The following OR6N1 variants were observed in gnomAD, a reference collection of about 807,000 sequenced individuals.
OR6N1 encodes the protein olfactory receptor 6N1.
For missense variants in OR6N1, 394 were observed against 371.7 expected (o/e 1.06, Z -0.49); for synonymous variants, 170 against 150.7 (o/e 1.13, Z -0.94).
chr1:158,829,428 G>A, the OR6N1 span, among the ~76,000 whole-genome samples: 1 of 152,112 alleles, frequency 6.6e-6, no homozygotes, highest in African/African-American at 2.4e-5. Flanking sequence ...CTCTAGGTCA[G>A]GGGCAAAATG....
the OR6N1 span, among the ~76,000 whole-genome samples, chr1:158,812,070 A>C: frequency 5.9e-5 from 9 of 152,204 alleles, no homozygotes; most frequent in Non-Finnish European, 1.0e-4. Flanking sequence ...AAATTAGTTT[A>C]TCTTTCATAG....
chr1:158,816,119 C>T, the OR6N1 span, among the ~76,000 whole-genome samples: 3 of 149,312 alleles, frequency 2.0e-5, no homozygotes, highest in East Asian at 4.0e-4. Context: ...GATGGCACCA[C>T]TGCACTCCAG....
At chr1:158,778,737 G>A in the OR6N1 span, among the ~76,000 whole-genome samples, 1 of 152,086 alleles carries the variant, frequency 6.6e-6, no homozygotes, top group Non-Finnish European at 1.5e-5. Context: ...AGATTCGGCC[G>A]GGCATGGTGA....
chr1:158,771,489 C>T (rs1657422644), intron 1 of OR6N1, among the ~76,000 whole-genome samples: 1 of 152,210 alleles, frequency 6.6e-6, no homozygotes. Flanking sequence ...TCAGGGCTCT[C>T]ATAAAACCTA....
the OR6N1 span, among the ~76,000 whole-genome samples, chr1:158,795,206 A>T: frequency 6.6e-6 from 1 of 152,206 alleles, no homozygotes; most frequent in East Asian, 1.9e-4. Context: ...AGCCCCACTT[A>T]GCTCTCACAC....
chr1:158,825,533 A>C, the OR6N1 span, among the ~76,000 whole-genome samples: 1 of 152,158 alleles, frequency 6.6e-6, no homozygotes, highest in Non-Finnish European at 1.5e-5. Flanking sequence ...AATTCTCAAC[A>C]TCACTAATAA....
the OR6N1 span, among the ~76,000 whole-genome samples, chr1:158,786,751 T>G: frequency 6.6e-6 from 1 of 152,160 alleles, no homozygotes; most frequent in African/African-American, 2.4e-5. Context: ...AATGGAAAAC[T>G]AAATATCATA....
At chr1:158,803,650 A>G in the OR6N1 span, among the ~76,000 whole-genome samples, 13 of 152,308 alleles carry the variant, frequency 8.5e-5, no homozygotes, top group African/African-American at 3.1e-4. Context: ...GTCTAACTGT[A>G]TACCTGTATG....
chr1:158,812,145 T>A, the OR6N1 span, among the ~76,000 whole-genome samples: 1 of 152,234 alleles, frequency 6.6e-6, no homozygotes, highest in Non-Finnish European at 1.5e-5. Flanking sequence ...CATATTCTGA[T>A]ACAGACTTCC....
At chr1:158,802,455 G>A in the OR6N1 span, among the ~76,000 whole-genome samples, 506 of 151,974 alleles carry the variant, frequency 3.3e-3, 5 homozygotes, top group African/African-American at 0.012. Flanking sequence ...TGATCCACCC[G>A]CCTTGGCCTC....
chr1:158,792,298 T>A, the OR6N1 span, among the ~76,000 whole-genome samples: 1 of 152,206 alleles, frequency 6.6e-6, no homozygotes, highest in Admixed American at 6.5e-5. Flanking sequence ...ACATTTTAAG[T>A]GTGTCTCCTA....
At chr1:158,771,172 T>C (rs1052475522) in intron 1 of OR6N1, among the ~76,000 whole-genome samples, 1 of 152,194 alleles carries the variant, frequency 6.6e-6, no homozygotes, top group Non-Finnish European at 1.5e-5. Context: ...CCTGACCATC[T>C]AAGTTAAATA....
chr1:158,796,082 A>G, the OR6N1 span: 3 of 152,432 alleles, frequency 2.0e-5, no homozygotes, highest in Admixed American at 1.3e-4. Context: ...AGTATAACCT[A>G]CAGTGGGAAA....
the OR6N1 span, among the ~76,000 whole-genome samples, chr1:158,783,569 C>T: frequency 6.4e-3 from 975 of 152,276 alleles, 11 homozygotes; most frequent in African/African-American, 0.022. Context: ...TCTTACCTGA[C>T]CACTCTGTCT....
chr1:158,797,614 A>G, the OR6N1 span, among the ~76,000 whole-genome samples: 1 of 152,184 alleles, frequency 6.6e-6, no homozygotes, highest in African/African-American at 2.4e-5. Flanking sequence ...TTTTCTGTAC[A>G]ATATTAAATA....
chr1:158,819,566 T>A, the OR6N1 span, among the ~76,000 whole-genome samples: 1 of 152,112 alleles, frequency 6.6e-6, no homozygotes, highest in African/African-American at 2.4e-5. Flanking sequence ...ACTCCTTCTT[T>A]AAAGGAAAAC....
At chr1:158,787,632 C>CTG in the OR6N1 span, among the ~76,000 whole-genome samples, 1 of 136,744 alleles carries the variant, frequency 7.3e-6, no homozygotes, top group African/African-American at 3.1e-5. Flanking sequence ...CTCTCTCTCT[C>CTG]TCTCACACAC....
the OR6N1 span, among the ~76,000 whole-genome samples, chr1:158,800,016 C>T: frequency 1.3e-5 from 2 of 152,054 alleles, no homozygotes; most frequent in Non-Finnish European, 2.9e-5. Flanking sequence ...TACTGGAAAG[C>T]GTTAGAAAAC....
the OR6N1 span, among the ~76,000 whole-genome samples, chr1:158,832,951 G>A: frequency 6.6e-6 from 1 of 151,882 alleles, no homozygotes; most frequent in East Asian, 1.9e-4. Flanking sequence ...TCAATTTATA[G>A]CACTTATTCT....
Sources: allele counts gnomAD v4.1 joint callset (sites outside exome capture counted in the v4.1 genomes callset), GRCh38; gene constraint gnomAD v4.1.1; transcripts MANE v1.5; gene names NCBI Gene and HGNC (gene_info 2026-07-23, HGNC 2026-07-21).